AP3D1: variants seen among roughly 807,000 people sequenced by gnomAD.
The protein encoded by AP3D1 is adaptor related protein complex 3 subunit delta 1, also known as AP-3 complex subunit delta-1.
Under a neutral mutation model 147.6 loss-of-function variants are expected in AP3D1, and 51 were observed. The observed-to-expected ratio is 0.35, with a 90% CI of 0.28 to 0.44. The LOEUF (loss-of-function observed/expected upper bound fraction) is 0.44, where lower values mean the gene tolerates loss of function less well. Among genes scored for constraint, AP3D1 ranks in the 20% least tolerant of loss-of-function variants. The pLI is 1.00. For missense variants in AP3D1, 1,421 were observed against 1,624.2 expected, an observed-to-expected ratio of 0.87 and a Z score of 2.15; for synonymous variants, 760 against 663.0, an observed-to-expected ratio of 1.15 and a Z score of -2.25.
At chr19:2,129,218 G>A (rs375793793) in intron 7 of AP3D1, 55 bp from the exon 8 acceptor site, 4 of 1,608,928 alleles carry the variant, frequency 2.5e-6, no homozygotes, top group Non-Finnish European at 3.4e-6. Flanking sequence ...CGCAGGGTGA[G>A]GGACAGGGGG....
chr19:2,144,442 T>C (rs1474751269), intron 1 of AP3D1, among the ~76,000 whole-genome samples: 3 of 152,068 alleles, frequency 2.0e-5, no homozygotes, highest in Non-Finnish European at 4.4e-5. Flanking sequence ...CTGAGGCTGG[T>C]GCAGCACACT....
At chr19:2,147,053 C>T (rs1241631895) in intron 1 of AP3D1, among the ~76,000 whole-genome samples, 1 of 143,236 alleles carries the variant, frequency 7.0e-6, no homozygotes, top group Non-Finnish European at 1.6e-5. Context: ...AGAGAAAACC[C>T]GCTCAGTTCG....
At chr19:2,137,702 C>T (rs1367691772) in intron 3 of AP3D1, 25 bp downstream of exon 3, 2 of 1,608,980 alleles carry the variant, frequency 1.2e-6, no homozygotes, top group South Asian at 2.2e-5. Context: ...CCCACCCCAC[C>T]AGCCTTGCCG....
upstream of AP3D1, among the ~76,000 whole-genome samples, chr19:2,151,770 C>T (rs2019526774): frequency 6.6e-6 from 1 of 152,252 alleles, no homozygotes; most frequent in African/African-American, 2.4e-5. Context: ...TCTCATTGGT[C>T]AGTGGCCTCC....
intron 1 of AP3D1, among the ~76,000 whole-genome samples, chr19:2,140,039 G>A (rs1185566712): frequency 6.6e-6 from 1 of 152,138 alleles, no homozygotes; most frequent in African/African-American, 2.4e-5. Context: ...ACAATGGAAA[G>A]AGTGCCACCC....
chr19:2,147,895 GA>G (rs967338186), intron 1 of AP3D1, among the ~76,000 whole-genome samples: 3 of 134,840 alleles, frequency 2.2e-5, no homozygotes, highest in African/African-American at 5.6e-5. Context: ...AAAAAAAAAA[GA>G]AAAAAAGGCT....
upstream of AP3D1, among the ~76,000 whole-genome samples, chr19:2,154,346 C>G (rs2019628396): frequency 6.7e-6 from 1 of 148,956 alleles, no homozygotes; most frequent in African/African-American, 2.5e-5. Context: ...GTGGCTCAAT[C>G]TTGGCTCACT....
intron 1 of AP3D1, among the ~76,000 whole-genome samples, chr19:2,142,455 T>G (rs1417089807): frequency 6.6e-6 from 1 of 152,114 alleles, no homozygotes; most frequent in Non-Finnish European, 1.5e-5. Flanking sequence ...TGGCTGGCGC[T>G]TTTTCTAGTT....
At chr19:2,109,281 A>C (rs575469428) in intron 29 of AP3D1, 74 bp from the exon 30 acceptor site, 566 of 1,490,292 alleles carry the variant, frequency 3.8e-4, no homozygotes, top group Middle Eastern at 5.9e-4. Context: ...GGCCAACAAA[A>C]CCTGCCACAC....
At chr19:2,164,094 CTCCCTCCCGCCCGCCCTCCTCCGCCCA>C in intron 1 of AP3D1, 4 of 149,294 alleles carry the variant, frequency 2.7e-5, no homozygotes, top group East Asian at 2.0e-4. Flanking sequence ...CCTCCCGCCC[CTCCCTCCCGCCCGCCCTCCTCCGCCCA>C]CCGGCGGCCC....
chr19:2,148,964 A>G (rs559866767), intron 1 of AP3D1, among the ~76,000 whole-genome samples: 2 of 151,972 alleles, frequency 1.3e-5, no homozygotes, highest in South Asian at 4.2e-4. Context: ...CATACGGTCT[A>G]TAGGATAGCT....
At chr19:2,119,359 C>A (rs945809090) in intron 14 of AP3D1, among the ~76,000 whole-genome samples, 9 of 152,176 alleles carry the variant, frequency 5.9e-5, no homozygotes, top group Non-Finnish European at 1.2e-4. Flanking sequence ...GAGTTTGAGA[C>A]CAGCCTGGCC....
intron 14 of AP3D1, among the ~76,000 whole-genome samples, chr19:2,119,377 T>A (rs2018547072): frequency 6.6e-6 from 1 of 151,950 alleles, no homozygotes; most frequent in Admixed American, 6.6e-5. Flanking sequence ...GCCAACACGG[T>A]GAAACCCCAT....
At chr19:2,124,032 G>A (rs1200746818) in intron 9 of AP3D1, among the ~76,000 whole-genome samples, 153 bp from the exon 10 acceptor site, 4 of 152,234 alleles carry the variant, frequency 2.6e-5, no homozygotes, top group East Asian at 1.9e-4. Context: ...CAGCCCAACT[G>A]TGTTTGCAAA....
In AP3D1 at chr19:2,110,070, C is replaced by A. The variant is rs570328730; in HGVS notation, c.3264+66G>T. On this transcript the variant is annotated intron_variant, in intron 28 of 31. Transcript: ENST00000643116. The stretch of plus-strand genomic sequence containing the variant: ...CCTAGGGACACCTGGACACCCACTG[C>A]GATGGGGCAGGAGGAGCCCCTGCCT... 6.9e-6 allele frequency: 11 copies of A among 1,588,366 alleles called. No individual in the cohort carries two copies. In the East Asian group the frequency reaches 1.8e-4, roughly 26 times the overall value.
chr19:2,108,976 A>C, intron 30 of AP3D1, 110 bp downstream of exon 30: 1 of 1,534,330 alleles, frequency 6.5e-7, no homozygotes, highest in Non-Finnish European at 8.8e-7. Context: ...CCGGGATCCC[A>C]AAGGGTGTGA....
chr19:2,104,462 G>GCCAAGACACCAATGCCCAGACCCCAACA lies in AP3D1; in HGVS notation c.3553-2222_3553-2195dup, dbSNP rs1365074394. Among the ~76,000 whole-genome samples the GCCAAGACACCAATGCCCAGACCCCAACA allele has an allele frequency of 3.5e-5, 5 of 144,258 alleles. No individual in the cohort carries two copies. In the Admixed American group the frequency reaches 3.5e-4, roughly 10 times the overall value. The allele number at this position is 144,258 out of a possible 152,430, so 94.6% of individuals were successfully genotyped here. On this transcript the variant is annotated intron_variant, in intron 31 of 31. Transcript: ENST00000643116. The stretch of plus-strand genomic sequence containing the variant: ...AAGATGCCAACACCCAGACCCCAAC[G>GCCAAGACACCAATGCCCAGACCCCAACA]CCAAGACACCAATGCCCAGACCCCA...
intron 1 of AP3D1, among the ~76,000 whole-genome samples, chr19:2,145,442 G>A (rs2019331005): frequency 6.6e-6 from 1 of 152,340 alleles, no homozygotes; most frequent in African/African-American, 2.4e-5. Flanking sequence ...GGGGACACTG[G>A]GCGATGTATG....
intron 9 of AP3D1, 145 bp from the exon 10 acceptor site, chr19:2,124,024 GC>G (rs2018684577): frequency 5.3e-6 from 5 of 948,970 alleles, no homozygotes; most frequent in Non-Finnish European, 8.1e-6. Context: ...GGACCACGCA[GC>G]CCAACTGTGT....
Sources: gnomAD v4.1 joint callset for allele counts (sites outside exome capture counted in the v4.1 genomes callset) on GRCh38, gnomAD v4.1.1 for gene constraint, MANE v1.5 for transcripts, NCBI Gene and HGNC (gene_info 2026-07-23, HGNC 2026-07-21) for gene names.